MTA3: variants seen among roughly 807,000 people sequenced by gnomAD.
MTA3 encodes the protein metastasis associated 1 family member 3.
MTA3 carries 34 observed loss-of-function variants against 83.5 expected under a neutral mutation model. That is an observed-to-expected ratio of 0.41 (90% CI 0.31 to 0.54). The LOEUF is 0.54. Ranked by LOEUF, MTA3 falls within the 20% of genes least tolerant of loss-of-function variation. The probability of loss-of-function intolerance (pLI) is 0.33; values close to 1 mark genes in which losing one functional copy is unlikely to be tolerated. For missense variants in MTA3, 761 were observed against 726.4 expected (o/e 1.05, Z -0.55); for synonymous variants, 303 against 252.7 (o/e 1.20, Z -1.89).
intron 11 of MTA3, chr2:42,703,173 G>C (rs1260789890): frequency 6.6e-6 from 1 of 152,206 alleles, no homozygotes; most frequent in East Asian, 1.9e-4. Flanking sequence ...GTGTTGCCCA[G>C]GCTGGTCTCC....
chr2:42,554,262 A>G (rs1228071986), intron 2 of MTA3, among the ~76,000 whole-genome samples: 1 of 152,152 alleles, frequency 6.6e-6, no homozygotes, highest in Non-Finnish European at 1.5e-5. Context: ...TAAACTAGTT[A>G]TCTATTCATG....
intron 3 of MTA3, among the ~76,000 whole-genome samples, chr2:42,604,132 C>A (rs946177647): frequency 1.3e-5 from 2 of 151,816 alleles, no homozygotes; most frequent in South Asian, 2.1e-4. Context: ...ACCTCCGTCT[C>A]CTGGGTTCAA....
intron 3 of MTA3, among the ~76,000 whole-genome samples, chr2:42,594,638 TTA>T (rs1416633388): frequency 2.6e-5 from 2 of 77,872 alleles, no homozygotes; most frequent in African/African-American, 1.2e-4. Context: ...GAACATCTTT[TTA>T]TATATATATA....
At chr2:42,665,581 A>C (rs1375725982) in intron 8 of MTA3, among the ~76,000 whole-genome samples, 4 of 152,024 alleles carry the variant, frequency 2.6e-5, no homozygotes, top group African/African-American at 9.7e-5. Context: ...CAAGGTCTGC[A>C]CTCCCCTGGC....
At chr2:42,719,247 A>G (rs1667239872) in intron 15 of MTA3, among the ~76,000 whole-genome samples, 173 bp downstream of exon 15, 2 of 152,316 alleles carry the variant, frequency 1.3e-5, no homozygotes, top group South Asian at 2.1e-4. Flanking sequence ...ACCAGCACAC[A>G]CAACACACAC....
At chr2:42,552,296 G>C (rs138398523) in intron 2 of MTA3, among the ~76,000 whole-genome samples, 3 of 152,110 alleles carry the variant, frequency 2.0e-5, no homozygotes, top group Admixed American at 6.6e-5. Context: ...TAAGGGGAGA[G>C]GTATGAATCA....
chr2:42,751,793 T>G (rs532267886), intron 16 of MTA3, among the ~76,000 whole-genome samples: 2 of 152,230 alleles, frequency 1.3e-5, no homozygotes, highest in Admixed American at 1.3e-4. Flanking sequence ...CCATAAGGGT[T>G]TAGACAGATG....
At chr2:42,583,654 G>A (rs924452548) in intron 3 of MTA3, among the ~76,000 whole-genome samples, 4 of 151,856 alleles carry the variant, frequency 2.6e-5, no homozygotes, top group African/African-American at 9.7e-5. Context: ...TCAGCCTCCC[G>A]AATAGCTGAG....
intron 12 of MTA3, 37 bp downstream of exon 12, chr2:42,704,355 A>G: frequency 6.2e-7 from 1 of 1,611,450 alleles, no homozygotes; most frequent in Admixed American, 1.7e-5. Flanking sequence ...AGCATCGGGA[A>G]CTGTTCTGGC....
chr2:42,577,091 T>TAAAAAA (rs1173783991), intron 2 of MTA3, among the ~76,000 whole-genome samples: 1,363 of 18,856 alleles, frequency 0.072, 60 homozygotes, highest in South Asian at 0.17. Context: ...GTACTCCATC[T>TAAAAAA]AAAAAAAAAA....
chr2:42,709,791 C>G (rs1181706456), intron 14 of MTA3, among the ~76,000 whole-genome samples: 2 of 152,202 alleles, frequency 1.3e-5, no homozygotes, highest in Admixed American at 1.3e-4. Context: ...GTTTCCATTT[C>G]ATGATCATGT....
chr2:42,517,770 CCGGG>C (rs1675216724), intron 2 of MTA3, among the ~76,000 whole-genome samples: 1 of 142,852 alleles, frequency 7.0e-6, no homozygotes, highest in Non-Finnish European at 1.5e-5. Context: ...CCCAGCTACT[CCGGG>C]AGACTGAGGC....
At chr2:42,719,156 C>A in intron 15 of MTA3, 82 bp downstream of exon 15, 2 of 1,015,520 alleles carry the variant, frequency 2.0e-6, no homozygotes, top group Admixed American at 4.2e-5. Flanking sequence ...ATGGACATAC[C>A]TAAACTAATT....
At chr2:42,708,195 G>A in intron 13 of MTA3, 141 bp downstream of exon 13, 1 of 852,470 alleles carries the variant, frequency 1.2e-6, no homozygotes, top group Non-Finnish European at 1.7e-6. Flanking sequence ...CAATATTCAG[G>A]GTAGGTGTGG....
chr2:42,692,430 T>C (rs1209577519), intron 9 of MTA3, among the ~76,000 whole-genome samples: 4 of 151,408 alleles, frequency 2.6e-5, no homozygotes, highest in Non-Finnish European at 5.9e-5. Context: ...CTTTTTTTTT[T>C]TTTTTTTCTT....
chr2:42,512,466 T>C (rs1410005255), intron 2 of MTA3, among the ~76,000 whole-genome samples: 2 of 152,246 alleles, frequency 1.3e-5, no homozygotes, highest in East Asian at 1.9e-4. Context: ...TAGTACTCTA[T>C]GTCTTCCAAG....
At chr2:42,713,736 C>CCGTG (rs1310899865) in intron 14 of MTA3, among the ~76,000 whole-genome samples, 2 of 152,146 alleles carry the variant, frequency 1.3e-5, no homozygotes, top group African/African-American at 4.8e-5. Flanking sequence ...ACTTAACATA[C>CCGTG]CGTGCCACTG....
intron 3 of MTA3, among the ~76,000 whole-genome samples, chr2:42,586,477 AACACACACAC>A (rs573814961): frequency 3.9e-4 from 28 of 72,712 alleles, no homozygotes; most frequent in Middle Eastern, 7.9e-3. Flanking sequence ...AAGGAAGGAA[AACACACACAC>A]ACACACACAC....
chr2:42,590,057 G>T (rs916204859), intron 3 of MTA3, among the ~76,000 whole-genome samples: 1 of 152,106 alleles, frequency 6.6e-6, no homozygotes, highest in Non-Finnish European at 1.5e-5. Context: ...GGAGCATGTG[G>T]GTGTTGATCT....
Sources: gnomAD v4.1 joint callset for allele counts (sites outside exome capture counted in the v4.1 genomes callset) on GRCh38, gnomAD v4.1.1 for gene constraint, MANE v1.5 for transcripts, NCBI Gene and HGNC (gene_info 2026-07-23, HGNC 2026-07-21) for gene names.